Variants in RNF180 observed in about 807,000 individuals in gnomAD.
The protein encoded by RNF180 is ring finger protein 180, also known as E3 ubiquitin-protein ligase RNF180.
Under a neutral mutation model 59.2 loss-of-function variants are expected in RNF180, and 38 were observed. That is an observed-to-expected ratio of 0.64 (90% CI 0.50 to 0.84). The LOEUF (loss-of-function observed/expected upper bound fraction) is 0.84. Ranked by LOEUF, RNF180 falls within the 40% of genes least tolerant of loss-of-function variation. The pLI, the probability that RNF180 is intolerant of heterozygous loss-of-function variation, is 0.00. For synonymous variants in RNF180, 262 were observed against 240.3 expected, an observed-to-expected ratio of 1.09 and a Z score of -0.84; for missense variants, 705 against 700.9, an observed-to-expected ratio of 1.01 and a Z score of -0.07.
At chr5:64,298,910 T>C (rs987165523) in intron 5 of RNF180, among the ~76,000 whole-genome samples, 2 of 152,018 alleles carry the variant, frequency 1.3e-5, no homozygotes, top group Non-Finnish European at 2.9e-5. Context: ...ATTGATTTGG[T>C]CTGCTAGGCT....
intron 5 of RNF180, among the ~76,000 whole-genome samples, chr5:64,318,125 G>A (rs1170763667): frequency 6.6e-6 from 1 of 152,156 alleles, no homozygotes; most frequent in East Asian, 1.9e-4. Flanking sequence ...TGTACTGTAT[G>A]TGTACTATAT....
At position 64,371,282 on chromosome 5, in the gene RNF180, A is replaced by G. The variant is rs1746651221; in HGVS notation, c.*1468A>G. 6.6e-6 allele frequency: 1 copy of G among 151,688 alleles called. No homozygotes were observed. Among genetic ancestry groups the G allele is most frequent in the Admixed American group, 6.6e-5 (1 of 15,168 alleles). The allele number at this position is 151,688 out of a possible 1,614,324, so 9.4% of individuals were successfully genotyped here. ...AATTTATACTTATAAATGGATATTT[A>G]TAATTACTAATTGCTCAAAGTAAAC... On this transcript the variant is annotated 3_prime_UTR_variant, in exon 8 of 8. Transcript: ENST00000389100.
intron 5 of RNF180, among the ~76,000 whole-genome samples, chr5:64,268,210 G>T (rs56840050): frequency 0.1 from 15,342 of 152,150 alleles, 877 homozygotes; most frequent in South Asian, 0.17. Context: ...ATTTTAGACA[G>T]TTCCTACCTT....
Position 64,369,833 on chromosome 5 carries a change from C to G in RNF180, c.*19C>G. ...GTTTTAGGAATTTCATACCTTACTACAATTGACCAATCATAAATGATGTAA... is the reference window on the plus strand; with the variant it reads ...GTTTTAGGAATTTCATACCTTACTAGAATTGACCAATCATAAATGATGTAA... On this transcript the variant is annotated 3_prime_UTR_variant, in exon 8 of 8. Transcript: ENST00000389100. The G allele has an allele frequency of 7.7e-7, 1 of 1,292,734 alleles. No homozygotes were observed. The highest frequency in any genetic ancestry group is 1.0e-6 in the Non-Finnish European group (1 of 971,040). 80.1% of individuals were successfully genotyped at this position (1,292,734 alleles called of 1,614,324 possible).
intron 7 of RNF180, among the ~76,000 whole-genome samples, chr5:64,354,883 T>C (rs1745955804): frequency 6.6e-6 from 1 of 151,870 alleles, no homozygotes; most frequent in Admixed American, 6.6e-5. Context: ...CCTGTCATGA[T>C]AAACACACTC....
chr5:64,237,807 T>C (rs1256844175), intron 5 of RNF180, among the ~76,000 whole-genome samples: 2 of 150,690 alleles, frequency 1.3e-5, no homozygotes, highest in Non-Finnish European at 3.0e-5. Context: ...TGTCTGGCAC[T>C]TCTCTCTCTC....
intron 7 of RNF180, among the ~76,000 whole-genome samples, chr5:64,362,914 G>T (rs1434097902): frequency 6.6e-6 from 1 of 151,578 alleles, no homozygotes; most frequent in Admixed American, 6.6e-5. Flanking sequence ...CATGTCCTTT[G>T]CCCACTTTTT....
intron 1 of RNF180, among the ~76,000 whole-genome samples, chr5:64,172,841 A>T (rs1051300926): frequency 6.6e-6 from 1 of 152,172 alleles, no homozygotes; most frequent in Non-Finnish European, 1.5e-5. Flanking sequence ...CTGTCCAGGT[A>T]CACTGTTGAT....
intron 7 of RNF180, among the ~76,000 whole-genome samples, chr5:64,335,628 T>C: frequency 6.6e-6 from 1 of 152,148 alleles, no homozygotes; most frequent in Non-Finnish European, 1.5e-5. Flanking sequence ...TTTGAGTCCA[T>C]TGGTATAATT....
chr5:64,338,451 G>A lies in RNF180; in HGVS notation c.1579+8045G>A, dbSNP rs181160440. 4.4e-3 allele frequency among the ~76,000 whole-genome samples: 676 copies of A among 152,000 alleles called. 5 individuals carry two copies. Among genetic ancestry groups the A allele is most frequent in the African/African-American group, 0.015 (630 of 41,458 alleles). On this transcript the variant is annotated intron_variant, in intron 7 of 7. Transcript: ENST00000389100. Reference sequence around the variant, plus strand: ...AGATCGAGACCATCCTGGCTAACACGGTGAAACCCCGTCTCTACTAAAAAT... The same window carrying A: ...AGATCGAGACCATCCTGGCTAACACAGTGAAACCCCGTCTCTACTAAAAAT...
intron 1 of RNF180, among the ~76,000 whole-genome samples, chr5:64,171,387 G>T (rs1232823887): frequency 2.6e-5 from 4 of 152,192 alleles, no homozygotes; most frequent in African/African-American, 9.6e-5. Context: ...TTGTTTTACA[G>T]TAAGGGCATT....
intron 1 of RNF180, among the ~76,000 whole-genome samples, chr5:64,195,235 T>C (rs1751397343): frequency 6.6e-6 from 1 of 152,182 alleles, no homozygotes; most frequent in African/African-American, 2.4e-5. Context: ...GAGTGTCTTC[T>C]AGCTGATTAG....
At chr5:64,337,329 T>C (rs1282353311) in intron 7 of RNF180, among the ~76,000 whole-genome samples, 2 of 152,074 alleles carry the variant, frequency 1.3e-5, no homozygotes, top group Non-Finnish European at 2.9e-5. Flanking sequence ...GTTTTAAATA[T>C]TTATTTTGTA....
intron 1 of RNF180, among the ~76,000 whole-genome samples, chr5:64,190,174 T>C (rs1751070418): frequency 6.6e-6 from 1 of 152,192 alleles, no homozygotes; most frequent in Non-Finnish European, 1.5e-5. Context: ...AAGCCGCTGT[T>C]ATGGTGGGCC....
chr5:64,218,439 G>C (rs1232881062), intron 5 of RNF180, among the ~76,000 whole-genome samples: 9 of 152,094 alleles, frequency 5.9e-5, no homozygotes, highest in Non-Finnish European at 2.9e-5. Flanking sequence ...GAAAATGTGT[G>C]GGTATATTTC....
rs137863857 is a variant in RNF180, at chr5:64,198,159, T to C, written c.1-2649T>C. Among the ~76,000 whole-genome samples the C allele has an allele frequency of 2.2e-4, 34 of 152,354 alleles. No individual in the cohort carries two copies. In the East Asian group the frequency reaches 6.2e-3, roughly 28 times the overall value. On this transcript the variant is annotated intron_variant, in intron 1 of 7. Coordinates refer to ENST00000389100, the MANE Select transcript of RNF180 (RefSeq NM_001113561.2). ...TTAACTCGGTATATTAAAAGTATTA[T>C]TTCAACATGTACTTAAAAATATTGA...
intron 5 of RNF180, among the ~76,000 whole-genome samples, chr5:64,305,154 T>G (rs1438716320): frequency 2.6e-5 from 4 of 151,712 alleles, no homozygotes; most frequent in Non-Finnish European, 4.4e-5. Flanking sequence ...AACCAAACAA[T>G]GTGTGTGTCT....
chr5:64,348,018 G>T (rs960444479), intron 7 of RNF180, among the ~76,000 whole-genome samples: 1 of 151,946 alleles, frequency 6.6e-6, no homozygotes, highest in Non-Finnish European at 1.5e-5. Flanking sequence ...AATAATAAAG[G>T]TGCTACTCCA....
At chr5:64,367,624 A>G (rs1746502878) in intron 7 of RNF180, among the ~76,000 whole-genome samples, 2 of 151,676 alleles carry the variant, frequency 1.3e-5, no homozygotes, top group Non-Finnish European at 3.0e-5. Context: ...GATTAAAGAG[A>G]TTTGACTTTA....
Sources: gnomAD v4.1 joint callset for allele counts (sites outside exome capture counted in the v4.1 genomes callset) on GRCh38, gnomAD v4.1.1 for gene constraint, MANE v1.5 for transcripts, NCBI Gene and HGNC (gene_info 2026-07-23, HGNC 2026-07-21) for gene names.